The following TRAPPC8 variants were observed in gnomAD, a reference collection of about 807,000 sequenced individuals.
The protein encoded by TRAPPC8 is general sporulation gene 1 homolog.
TRAPPC8 carries 54 observed loss-of-function variants against 174.3 expected under a neutral mutation model. The observed-to-expected ratio is 0.31, with a 90% CI of 0.25 to 0.39. The LOEUF (loss-of-function observed/expected upper bound fraction) is 0.39, where lower values mean the gene tolerates loss of function less well. TRAPPC8 is among the 10% of genes least tolerant of loss of function. The probability of loss-of-function intolerance (pLI) is 1.00; values close to 1 mark genes in which losing one functional copy is unlikely to be tolerated. For synonymous variants in TRAPPC8, 630 were observed against 579.9 expected (o/e 1.09, Z -1.24); for missense variants, 1,531 against 1,699.1 (o/e 0.90, Z 1.74).
chr18:31,859,888 C>T (rs2034236396), intron 19 of TRAPPC8, among the ~76,000 whole-genome samples: 2 of 151,926 alleles, frequency 1.3e-5, no homozygotes, highest in Admixed American at 1.3e-4. Flanking sequence ...TGGTGGTGCG[C>T]ACCTGTAATC....
At chr18:31,933,564 T>TAGC (rs927002339) in intron 1 of TRAPPC8, among the ~76,000 whole-genome samples, 1 of 152,082 alleles carries the variant, frequency 6.6e-6, no homozygotes, top group Non-Finnish European at 1.5e-5. Context: ...GAAGGCGGTA[T>TAGC]AGCAGCAGCA....
In TRAPPC8 at chr18:31,873,511, G is replaced by A; in HGVS notation, c.1981C>T (p.Pro661Ser). The A allele has an allele frequency of 2.5e-6, 4 of 1,613,540 alleles. No homozygotes were observed. Among genetic ancestry groups the A allele is most frequent in the Non-Finnish European group, 2.5e-6 (3 of 1,179,742 alleles). ...TACGGTAAAGGAAGCTGTGGCAAAG[G>A]ACCATCTGGTGACAGCTGACTTACA... is the stretch of plus-strand genomic sequence containing the variant. Reference protein sequence around the residue: ...KNVSQLSPDGPLPQLPLPYIN... With the variant: ...KNVSQLSPDGSLPQLPLPYIN... Residue 661 changes from proline to serine, a missense_variant, in exon 14 of 29, where the codon CCT (proline) becomes TCT (serine). By Grantham distance (74) the Pro-to-Ser change is moderately conservative (BLOSUM62 -1). Transcript: ENST00000283351.
rs58690921 is a variant in TRAPPC8, at chr18:31,868,819, C to T, written c.2389-1343G>A. Among the ~76,000 whole-genome samples the T allele has an allele frequency of 9.8e-3, 1,497 of 152,190 alleles. 25 individuals are homozygous for T. The highest frequency in any genetic ancestry group is 0.034 in the African/African-American group (1,432 of 41,520). On this transcript the variant is annotated intron_variant, in intron 16 of 28. Coordinates refer to ENST00000283351, the MANE Select transcript of TRAPPC8 (RefSeq NM_014939.5). ...CAGGACTCAAGCAATCCTCCCACCT[C>T]AGCCTCCCAGGTAGCTGGGACTACA... is the stretch of plus-strand genomic sequence containing the variant.
chr18:31,833,983 CAG>C, intron 27 of TRAPPC8, among the ~76,000 whole-genome samples: 1 of 122,412 alleles, frequency 8.2e-6, no homozygotes, highest in South Asian at 2.8e-4. Context: ...GCCTGGGTGA[CAG>C]AGCAAGACTC....
chr18:31,872,666 G>A (rs1052197007), intron 14 of TRAPPC8, among the ~76,000 whole-genome samples: 1 of 152,010 alleles, frequency 6.6e-6, no homozygotes, highest in African/African-American at 2.4e-5. Context: ...TGATCTGCCC[G>A]TCTTGGCCTC....
At chr18:31,876,630 T>C (rs1436848265) in intron 12 of TRAPPC8, among the ~76,000 whole-genome samples, 2 of 150,948 alleles carry the variant, frequency 1.3e-5, no homozygotes, top group African/African-American at 2.4e-5. Context: ...GAAGAACCCA[T>C]GGAAAGAAAC....
At chr18:31,903,776 A>AG (rs1166835013) in intron 9 of TRAPPC8, among the ~76,000 whole-genome samples, 1 of 152,150 alleles carries the variant, frequency 6.6e-6, no homozygotes, top group Non-Finnish European at 1.5e-5. Flanking sequence ...CTGTAATCCC[A>AG]GCACTTTGGG....
intron 1 of TRAPPC8, among the ~76,000 whole-genome samples, chr18:31,934,063 C>A (rs1205115130): frequency 6.6e-6 from 1 of 151,970 alleles, no homozygotes; most frequent in Non-Finnish European, 1.5e-5. Context: ...TGGCAAGCGC[C>A]TGTATTCCCA....
intron 1 of TRAPPC8, among the ~76,000 whole-genome samples, chr18:31,939,048 C>A (rs188854421): frequency 7.2e-6 from 1 of 138,884 alleles, no homozygotes; most frequent in East Asian, 2.2e-4. Context: ...CTCGCCGCTG[C>A]ACTCCAGCCT....
At chr18:31,928,215 T>C (rs1156774250) in intron 2 of TRAPPC8, among the ~76,000 whole-genome samples, 2 of 150,812 alleles carry the variant, frequency 1.3e-5, no homozygotes, top group Admixed American at 6.6e-5. Context: ...AAAAAATACA[T>C]AGGCCAGGCA....
chr18:31,933,685 C>A (rs1347321205), intron 1 of TRAPPC8, among the ~76,000 whole-genome samples: 1 of 152,068 alleles, frequency 6.6e-6, no homozygotes, highest in African/African-American at 2.4e-5. Flanking sequence ...ATGACACATT[C>A]TTCTCAATGG....
intron 5 of TRAPPC8, 103 bp downstream of exon 5, chr18:31,913,265 AC>A: frequency 7.7e-7 from 1 of 1,295,746 alleles, no homozygotes; most frequent in Non-Finnish European, 1.0e-6. Flanking sequence ...ATCAAAACTG[AC>A]CAGATTCCAC....
chr18:31,864,539 C>T, intron 19 of TRAPPC8, 88 bp downstream of exon 19: 2 of 1,327,890 alleles, frequency 1.5e-6, no homozygotes, highest in Non-Finnish European at 2.1e-6. Context: ...AATGTAATAT[C>T]AAAAACCTCA....
At chr18:31,922,953 G>T (rs941109217) in intron 2 of TRAPPC8, among the ~76,000 whole-genome samples, 2 of 152,170 alleles carry the variant, frequency 1.3e-5, no homozygotes, top group South Asian at 2.1e-4. Flanking sequence ...GGAGGCAGAG[G>T]TTGCAGTAAG....
chr18:31,839,278 T>C (rs775478906), intron 27 of TRAPPC8, 34 bp downstream of exon 27: 13 of 1,582,812 alleles, frequency 8.2e-6, no homozygotes, highest in Middle Eastern at 1.7e-4. Flanking sequence ...CAGTGTGTTG[T>C]AGAAAATTTT....
chr18:31,855,988 T>G lies in TRAPPC8; in HGVS notation c.3189-181A>C, dbSNP rs548670089. Among the ~76,000 whole-genome samples, 11 of 152,324 alleles carry G rather than the reference T, an allele frequency of 7.2e-5. No individual in the cohort carries two copies. The South Asian group carries it at 2.1e-3, about 29-fold the overall frequency. On this transcript the variant is annotated intron_variant, in intron 20 of 28. Coordinates refer to ENST00000283351, the MANE Select transcript of TRAPPC8 (RefSeq NM_014939.5). ...CCTAACTTCAGTTCAATTCTTTCTA[T>G]CCAATTTGGAAGGAAACTACTAGTC... is the stretch of plus-strand genomic sequence containing the variant.
At chr18:31,936,678 G>T (rs542426827) in intron 1 of TRAPPC8, among the ~76,000 whole-genome samples, 85 of 152,016 alleles carry the variant, frequency 5.6e-4, no homozygotes, top group Non-Finnish European at 9.6e-4. Flanking sequence ...AAGGCGGGTG[G>T]ATCACTTGAG....
At chr18:31,897,614 T>A (rs1262434004) in intron 11 of TRAPPC8, among the ~76,000 whole-genome samples, 172 bp downstream of exon 11, 2 of 152,072 alleles carry the variant, frequency 1.3e-5, no homozygotes, top group East Asian at 3.9e-4. Flanking sequence ...TTATAAAAAA[T>A]TACATTTAAA....
At chr18:31,893,827 CAT>C (rs1272082083) in intron 11 of TRAPPC8, among the ~76,000 whole-genome samples, 1 of 151,906 alleles carries the variant, frequency 6.6e-6, no homozygotes, top group Non-Finnish European at 1.5e-5. Flanking sequence ...TGCATGCATA[CAT>C]ACACACACAC....
Sources: gnomAD v4.1 joint callset for allele counts (sites outside exome capture counted in the v4.1 genomes callset) on GRCh38, gnomAD v4.1.1 for gene constraint, MANE v1.5 for transcripts, NCBI Gene and HGNC (gene_info 2026-07-23, HGNC 2026-07-21) for gene names.